PARVB: variants seen among roughly 807,000 people sequenced by gnomAD.
PARVB encodes the protein beta-parvin.
In PARVB, 46 loss-of-function variants were observed where a neutral mutation model predicts 47.0. The observed-to-expected ratio is 0.98, with a 90% CI of 0.77 to 1.25. The LOEUF (loss-of-function observed/expected upper bound fraction) is 1.25. Among genes scored for constraint, PARVB ranks in the 50% most tolerant of loss-of-function variants. The pLI is 0.00. For missense variants in PARVB, 473 were observed against 471.6 expected (o/e 1.00, Z -0.03); for synonymous variants, 196 against 196.3 (o/e 1.00, Z 0.01).
intron 2 of PARVB, among the ~76,000 whole-genome samples, chr22:44,007,293 G>C (rs1439378359): frequency 6.6e-6 from 1 of 152,152 alleles, no homozygotes; most frequent in Admixed American, 6.5e-5. Context: ...GGGGGGAGTG[G>C]AGTCTCCTCC....
chr22:44,087,846 G>GTTTT lies in PARVB; in HGVS notation c.113-6068_113-6065dup, dbSNP rs57893038. Among the ~76,000 whole-genome samples the GTTTT allele has an allele frequency of 7.5e-3, 908 of 121,180 alleles. 10 individuals carry two copies. Among genetic ancestry groups the GTTTT allele is most frequent in the African/African-American group, 0.013 (391 of 30,138 alleles). 79.5% of individuals were successfully genotyped at this position (121,180 alleles called of 152,430 possible). A position where few individuals can be genotyped will look rare whatever the true frequency, so the allele number is the denominator to read the frequency against. On this transcript the variant is annotated intron_variant, in intron 1 of 12. Transcript: ENST00000338758. ...GTAATTCCAAATCAGGAACGATGGT[G>GTTTT]TTTTTTTTTTTTTTTTTCTTTTTTC...
At chr22:44,010,111 T>C (rs2050507487) in intron 2 of PARVB, among the ~76,000 whole-genome samples, 2 of 152,164 alleles carry the variant, frequency 1.3e-5, no homozygotes, top group South Asian at 4.1e-4. Flanking sequence ...CGTCCCCATA[T>C]GAATCTTTAA....
intron 1 of PARVB, among the ~76,000 whole-genome samples, chr22:44,084,562 G>C (rs1418290650): frequency 6.6e-6 from 1 of 152,224 alleles, no homozygotes; most frequent in Non-Finnish European, 1.5e-5. Flanking sequence ...GGTACTCCCA[G>C]GTCTGGCATC....
At chr22:44,094,250 A>G (rs576383140) in intron 2 of PARVB, among the ~76,000 whole-genome samples, 1 of 152,344 alleles carries the variant, frequency 6.6e-6, no homozygotes, top group East Asian at 1.9e-4. Context: ...TTTATTTTTC[A>G]GGTGGTGAAG....
chr22:44,060,886 G>C (rs768619234), intron 1 of PARVB, among the ~76,000 whole-genome samples: 1 of 152,064 alleles, frequency 6.6e-6, no homozygotes, highest in Non-Finnish European at 1.5e-5. Flanking sequence ...CGGTTCCTGC[G>C]AGCCTCTGGT....
chr22:44,091,353 T>C (rs1199005231), intron 1 of PARVB, among the ~76,000 whole-genome samples: 5 of 150,324 alleles, frequency 3.3e-5, no homozygotes, highest in Non-Finnish European at 7.4e-5. Flanking sequence ...ATCTTAGCCA[T>C]TTTCAAGAGC....
At chr22:44,077,330 C>T (rs2146995531) in intron 1 of PARVB, among the ~76,000 whole-genome samples, 1 of 152,322 alleles carries the variant, frequency 6.6e-6, no homozygotes, top group Admixed American at 6.5e-5. Flanking sequence ...CCTTCTCCGT[C>T]TGTGTCTCTG....
At chr22:44,095,952 G>A (rs537224772) in intron 2 of PARVB, among the ~76,000 whole-genome samples, 4 of 152,272 alleles carry the variant, frequency 2.6e-5, no homozygotes, top group East Asian at 3.9e-4. Context: ...CACCAGGCTC[G>A]GTGGCTCAGG....
At chr22:44,025,184 G>GA (rs1200678940) in intron 1 of PARVB, among the ~76,000 whole-genome samples, 2 of 152,086 alleles carry the variant, frequency 1.3e-5, no homozygotes, top group East Asian at 3.9e-4. Context: ...GGTGAGAGGT[G>GA]AGGGGAGCTG....
At chr22:44,090,731 G>C (rs974588636) in intron 1 of PARVB, among the ~76,000 whole-genome samples, 1 of 152,204 alleles carries the variant, frequency 6.6e-6, no homozygotes, top group Non-Finnish European at 1.5e-5. Flanking sequence ...TGGGTCTTTT[G>C]TTCTTCCTCT....
chr22:44,111,189 A>G (rs1303366126), intron 3 of PARVB: 5 of 152,120 alleles, frequency 3.3e-5, no homozygotes, highest in African/African-American at 9.7e-5. Flanking sequence ...GGGATAAATT[A>G]GAGCTGGAAT....
rs542792212 is a variant in PARVB, at chr22:44,008,253, A to C, written c.211+8580A>C. Among the ~76,000 whole-genome samples the C allele has an allele frequency of 4.8e-4, 73 of 152,192 alleles. 1 individual carries two copies. The South Asian group carries it at 0.014, about 30-fold the overall frequency. On this transcript the variant is annotated intron_variant, in intron 2 of 13. Transcript: ENST00000406477. ...CCCGCCTCCGAGTAGCTGGGATTAC[A>C]GGCGCGCATCACCACGCCCAACTGA...
At chr22:44,054,594 A>C (rs1241938132) in intron 1 of PARVB, among the ~76,000 whole-genome samples, 6 of 152,104 alleles carry the variant, frequency 3.9e-5, no homozygotes, top group African/African-American at 1.4e-4. Context: ...GGGGACAGGG[A>C]GTTAGTGTTT....
chr22:44,100,717 C>T (rs2052422951), intron 3 of PARVB, among the ~76,000 whole-genome samples: 1 of 152,188 alleles, frequency 6.6e-6, no homozygotes, highest in East Asian at 1.9e-4. Context: ...CAGCGTGGCT[C>T]CTGCTCACCG....
At chr22:44,131,261 C>T (rs980827290) in intron 4 of PARVB, among the ~76,000 whole-genome samples, 1 of 151,784 alleles carries the variant, frequency 6.6e-6, no homozygotes, top group Non-Finnish European at 1.5e-5. Context: ...CCTGCCTCAG[C>T]CTCCCGAGTA....
chr22:44,051,093 T>C (rs963180794), intron 1 of PARVB, among the ~76,000 whole-genome samples: 1 of 152,166 alleles, frequency 6.6e-6, no homozygotes, highest in Non-Finnish European at 1.5e-5. Flanking sequence ...GCATCTGTGC[T>C]GAGTAACAGC....
intron 3 of PARVB, chr22:44,111,549 C>A (rs766861220): frequency 7.0e-6 from 1 of 142,056 alleles, no homozygotes; most frequent in Non-Finnish European, 1.5e-5. Flanking sequence ...CAGGCTCAAG[C>A]AATCCTCCTG....
Position 44,103,580 on chromosome 22 carries a change from G to A in PARVB, c.273+3457G>A, listed in dbSNP as rs1222613599. The A allele has an allele frequency of 3.9e-5, 6 of 152,206 alleles. No individual in the cohort carries two copies. Among genetic ancestry groups the A allele is most frequent in the African/African-American group, 1.2e-4 (5 of 41,448 alleles). 9.4% of individuals were successfully genotyped at this position (152,206 alleles called of 1,614,324 possible). A position where few individuals can be genotyped will look rare whatever the true frequency, so the allele number is the denominator to read the frequency against. On this transcript the variant is annotated intron_variant, in intron 3 of 12. Coordinates refer to ENST00000338758, the MANE Select transcript of PARVB (RefSeq NM_013327.5). The surrounding 1 kb of genome is among the most constrained non-coding windows in gnomAD (Gnocchi z 4.6). ...CCATGTGATAATCCCTGGAGCCATT[G>A]ACTATCATCTTACATGGCAAAGGGA...
At chr22:44,136,431 A>AT in intron 6 of PARVB, 29 bp from the exon 7 acceptor site, 2 of 1,609,350 alleles carry the variant, frequency 1.2e-6, no homozygotes. Flanking sequence ...CCACTGCCTG[A>AT]TTTTGTATGT....
Sources: gnomAD v4.1 joint callset for allele counts (sites outside exome capture counted in the v4.1 genomes callset) on GRCh38, gnomAD v4.1.1 for gene constraint, Gnocchi (gnomAD v3.1) non-coding constraint, MANE v1.5 for transcripts, NCBI Gene and HGNC (gene_info 2026-07-23, HGNC 2026-07-21) for gene names.